Variants in PCDH15 observed in about 807,000 individuals in gnomAD.
The protein encoded by PCDH15 is protocadherin-15.
PCDH15 carries 129 observed loss-of-function variants against 178.5 expected under a neutral mutation model. The observed-to-expected ratio is 0.72, with a 90% CI of 0.63 to 0.84. The LOEUF (loss-of-function observed/expected upper bound fraction) is 0.84, where lower values mean the gene tolerates loss of function less well. Among genes scored for constraint, PCDH15 ranks in the 40% least tolerant of loss-of-function variants. The probability of loss-of-function intolerance (pLI) is 0.00; values close to 1 mark genes in which losing one functional copy is unlikely to be tolerated. For missense variants in PCDH15, 2,230 were observed against 2,099.9 expected (o/e 1.06, Z -1.21); for synonymous variants, 800 against 732.0 (o/e 1.09, Z -1.50).
intron 3 of PCDH15, among the ~76,000 whole-genome samples, chr10:54,496,739 A>C (rs1325765771): frequency 1.3e-5 from 2 of 152,174 alleles, no homozygotes; most frequent in African/African-American, 4.8e-5. Flanking sequence ...CAGCCTCTCA[A>C]TACTTCCCTT....
chr10:55,538,900 TTCCTTCC>T, intron 2 of PCDH15, among the ~76,000 whole-genome samples: 1 of 90,456 alleles, frequency 1.1e-5, no homozygotes, highest in African/African-American at 4.5e-5. Context: ...CTTTCCTTCC[TTCCTTCC>T]TCCTTTCCTT....
At chr10:54,871,069 G>T (rs946908039) in intron 3 of PCDH15, among the ~76,000 whole-genome samples, 71 of 152,228 alleles carry the variant, frequency 4.7e-4, no homozygotes, top group African/African-American at 1.6e-3. Flanking sequence ...TTAGAATTCT[G>T]TGTGGAACTT....
At chr10:54,102,303 C>G (rs2094827635) in intron 15 of PCDH15, among the ~76,000 whole-genome samples, 1 of 152,184 alleles carries the variant, frequency 6.6e-6, no homozygotes, top group Non-Finnish European at 1.5e-5. Flanking sequence ...GCTGCAGTGG[C>G]TGAGAAGTCT....
intron 2 of PCDH15, among the ~76,000 whole-genome samples, chr10:55,085,896 C>T (rs1842156979): frequency 6.6e-6 from 1 of 151,410 alleles, no homozygotes; most frequent in Non-Finnish European, 1.5e-5. Flanking sequence ...AATAAAGACA[C>T]AATAATATAT....
chr10:54,058,457 A>G lies in PCDH15; in HGVS notation c.2220+8300T>C, dbSNP rs114641028. ...GGGAACTCCCATTTATAAAACCATCACATCTTGTGAGACTTACTCACTATC... is the reference window on the plus strand; with the variant it reads ...GGGAACTCCCATTTATAAAACCATCGCATCTTGTGAGACTTACTCACTATC... On this transcript the variant is annotated intron_variant, in intron 18 of 37. Coordinates refer to ENST00000644397, the MANE Select transcript of PCDH15 (RefSeq NM_001384140.1). Among the ~76,000 whole-genome samples the G allele has an allele frequency of 7.8e-3, 1,181 of 152,170 alleles. 20 individuals are homozygous for G. The highest frequency in any genetic ancestry group is 0.027 in the African/African-American group (1,103 of 41,532).
At chr10:54,548,698 G>C (rs1055831739) in intron 2 of PCDH15, among the ~76,000 whole-genome samples, 2 of 148,444 alleles carry the variant, frequency 1.3e-5, no homozygotes, top group Non-Finnish European at 3.0e-5. Context: ...AACATTGCTT[G>C]GTTCAATTTG....
intron 1 of PCDH15, among the ~76,000 whole-genome samples, chr10:54,714,745 T>C (rs1321521922): frequency 3.3e-5 from 5 of 152,144 alleles, no homozygotes. Flanking sequence ...ATTTGATATA[T>C]TTTCAAACTT....
chr10:53,882,807 C>G (rs117350965), intron 26 of PCDH15, among the ~76,000 whole-genome samples: 2,209 of 152,148 alleles, frequency 0.015, 25 homozygotes, highest in Middle Eastern at 0.034. Flanking sequence ...TCATTTACAT[C>G]TAATTATTAA....
Position 54,195,828 on chromosome 10 carries a change from T to C in PCDH15, c.1160A>G (p.Asp387Gly). The change falls in exon 11 of 38, where the codon GAT (aspartate) becomes GGT (glycine). Residue 387 changes from aspartate to glycine, a missense_variant. Transcript: ENST00000644397. ...AFAGLHIEIL[D>G]ENNQSPYFTM... is the part of the protein sequence containing the mutation. ...AAAATATGGACTTTGATTGTTTTCA[T>C]CCAGTATTTCAATGTGTAGACCGGC... The C allele has an allele frequency of 6.2e-7, 1 of 1,614,080 alleles. No homozygotes were observed.
At chr10:53,870,055 A>G (rs545177913) in intron 26 of PCDH15, among the ~76,000 whole-genome samples, 48 of 152,344 alleles carry the variant, frequency 3.2e-4, no homozygotes, top group South Asian at 1.4e-3. Flanking sequence ...GTTACCATAA[A>G]ATCACCACAG....
chr10:54,457,717 T>C (rs187822365), intron 3 of PCDH15, among the ~76,000 whole-genome samples: 263 of 152,292 alleles, frequency 1.7e-3, no homozygotes, highest in Non-Finnish European at 3.1e-3. Flanking sequence ...AATTTAATGA[T>C]AAATCATAGT....
At chr10:55,487,330 G>A (rs1167213457) in intron 2 of PCDH15, among the ~76,000 whole-genome samples, 2 of 151,558 alleles carry the variant, frequency 1.3e-5, no homozygotes, top group Non-Finnish European at 3.0e-5. Context: ...CACAACTGAG[G>A]TTTGTCATCA....
intron 1 of PCDH15, among the ~76,000 whole-genome samples, chr10:54,749,503 T>C (rs536189383): frequency 1.3e-5 from 2 of 152,264 alleles, no homozygotes; most frequent in African/African-American, 4.8e-5. Flanking sequence ...CCCAGTTCCT[T>C]TTGTGAAACC....
intron 8 of PCDH15, among the ~76,000 whole-genome samples, chr10:54,301,543 G>T (rs898158538): frequency 6.6e-6 from 1 of 152,060 alleles, no homozygotes; most frequent in Non-Finnish European, 1.5e-5. Flanking sequence ...GTACAATCCA[G>T]GCAGAGACAA....
intron 2 of PCDH15, among the ~76,000 whole-genome samples, chr10:55,578,092 TA>T: frequency 6.6e-6 from 1 of 152,090 alleles, no homozygotes; most frequent in Non-Finnish European, 1.5e-5. Context: ...CCCATGGCTT[TA>T]AAAAAATTAC....
At chr10:55,222,037 T>A (rs1392227090) in intron 1 of PCDH15, among the ~76,000 whole-genome samples, 1 of 150,926 alleles carries the variant, frequency 6.6e-6, no homozygotes, top group South Asian at 2.1e-4. Flanking sequence ...CGGCTAATTT[T>A]TTTTTTTTTT....
intron 1 of PCDH15, among the ~76,000 whole-genome samples, chr10:55,173,867 T>C (rs949212101): frequency 9.2e-5 from 14 of 152,158 alleles, no homozygotes; most frequent in Non-Finnish European, 1.8e-4. Flanking sequence ...ATTTTCATAT[T>C]AGAAAATTTA....
intron 13 of PCDH15, 92 bp downstream of exon 13, chr10:54,183,350 TTC>T (rs749509222): frequency 2.9e-5 from 36 of 1,223,848 alleles, no homozygotes; most frequent in Middle Eastern, 3.9e-4. Flanking sequence ...TGAAATCAAT[TTC>T]TGTTTCTTAA....
chr10:54,043,548 T>A (rs1220075972), intron 18 of PCDH15, among the ~76,000 whole-genome samples: 1 of 151,660 alleles, frequency 6.6e-6, no homozygotes, highest in African/African-American at 2.4e-5. Flanking sequence ...CCAACATGCC[T>A]GGCTAATTTT....
Sources: gnomAD v4.1 joint callset for allele counts (sites outside exome capture counted in the v4.1 genomes callset) on GRCh38, gnomAD v4.1.1 for gene constraint, MANE v1.5 for transcripts, NCBI Gene and HGNC (gene_info 2026-07-23, HGNC 2026-07-21) for gene names.